Variants in ASPH observed in about 807,000 individuals in gnomAD.
ASPH encodes aspartyl/asparaginyl beta-hydroxylase.
In ASPH, 100 loss-of-function variants were observed where a neutral mutation model predicts 118.4. The observed-to-expected ratio is 0.84, with a 90% CI of 0.72 to 1.00. ASPH has a LOEUF of 1.00. Among genes scored for constraint, ASPH ranks in the 50% least tolerant of loss-of-function variants. The pLI, the probability that ASPH is intolerant of heterozygous loss-of-function variation, is 0.00. For synonymous variants in ASPH, 315 were observed against 325.6 expected (o/e 0.97, Z 0.35); for missense variants, 920 against 919.5 (o/e 1.00, Z -0.01).
chr8:61,619,238 C>A (rs1850063270), intron 13 of ASPH, among the ~76,000 whole-genome samples: 1 of 152,034 alleles, frequency 6.6e-6, no homozygotes, highest in Non-Finnish European at 1.5e-5. Context: ...TAAAAGTCAC[C>A]AAGCACTGAC....
chr8:61,637,633 T>G (rs1212579343), intron 12 of ASPH, among the ~76,000 whole-genome samples: 1 of 152,182 alleles, frequency 6.6e-6, no homozygotes, highest in Non-Finnish European at 1.5e-5. Flanking sequence ...TCTCACCAGA[T>G]CACCCCTCAG....
At chr8:61,675,533 T>C in intron 3 of ASPH, 1 of 980,512 alleles carries the variant, frequency 1.0e-6, no homozygotes, top group Non-Finnish European at 1.2e-6. Context: ...GAAATTTGTA[T>C]GAACCTATCT....
At chr8:61,574,706 G>A (rs1050436276) in intron 16 of ASPH, among the ~76,000 whole-genome samples, 3 of 152,136 alleles carry the variant, frequency 2.0e-5, no homozygotes, top group South Asian at 4.1e-4. Flanking sequence ...CGGGTGGGGG[G>A]CTAGGGGAGG....
chr8:61,665,890 G>A (rs1819308158), intron 3 of ASPH, among the ~76,000 whole-genome samples: 1 of 151,832 alleles, frequency 6.6e-6, no homozygotes, highest in Admixed American at 6.6e-5. Context: ...TAAAATTGAG[G>A]GCACCACGAA....
intron 17 of ASPH, among the ~76,000 whole-genome samples, chr8:61,566,524 G>A (rs1052569744): frequency 6.6e-6 from 1 of 152,236 alleles, no homozygotes; most frequent in African/African-American, 2.4e-5. Flanking sequence ...GGCAGGGTTT[G>A]AGAGGATTGA....
intron 1 of ASPH, among the ~76,000 whole-genome samples, chr8:61,701,117 T>C (rs1351631612): frequency 6.6e-6 from 1 of 152,228 alleles, no homozygotes; most frequent in African/African-American, 2.4e-5. Context: ...TCTGCTTTTT[T>C]TCTCACTGTA....
intron 13 of ASPH, among the ~76,000 whole-genome samples, chr8:61,621,387 A>G (rs577157569): frequency 2.6e-5 from 4 of 152,122 alleles, no homozygotes; most frequent in Admixed American, 6.5e-5. Flanking sequence ...TTTAGGCTCT[A>G]CAAGTTTTAT....
At chr8:61,626,058 G>A (rs1355912669) in intron 13 of ASPH, 1 of 1,237,424 alleles carries the variant, frequency 8.1e-7, no homozygotes, top group Non-Finnish European at 1.0e-6. Flanking sequence ...ATGCAGGAAT[G>A]TAACATGACA....
At chr8:61,629,309 A>G (rs574851954) in intron 13 of ASPH, among the ~76,000 whole-genome samples, 4 of 152,352 alleles carry the variant, frequency 2.6e-5, no homozygotes, top group African/African-American at 9.6e-5. Flanking sequence ...CATATGACCT[A>G]AAGTATTGTT....
At position 61,501,411 on chromosome 8, in the gene ASPH, C is replaced by CTAAG. The variant is rs1804911224; in HGVS notation, c.*1944_*1947dup. ...GATTTTAAATACCATATTATATTTA[C>CTAAG]TAAGTTAAGAGCTAGTTTTTACTCT... On this transcript the variant is annotated 3_prime_UTR_variant, in exon 25 of 25. Coordinates refer to ENST00000379454, the MANE Select transcript of ASPH (RefSeq NM_004318.4). 6.6e-6 allele frequency: 1 copy of CTAAG among 152,138 alleles called. No homozygotes were observed. Among genetic ancestry groups the CTAAG allele is most frequent in the East Asian group, 1.9e-4 (1 of 5,202 alleles). The allele number at this position is 152,138 out of a possible 1,614,324, so 9.4% of individuals were successfully genotyped here. A position where few individuals can be genotyped will look rare whatever the true frequency, so the allele number is the denominator to read the frequency against.
At chr8:61,543,978 C>T (rs1822893919) in intron 21 of ASPH, among the ~76,000 whole-genome samples, 1 of 152,176 alleles carries the variant, frequency 6.6e-6, no homozygotes, top group Admixed American at 6.5e-5. Context: ...CAAATAACAA[C>T]AATGTCCTGA....
At chr8:61,544,728 C>G (rs1027977193) in intron 21 of ASPH, among the ~76,000 whole-genome samples, 1 of 152,182 alleles carries the variant, frequency 6.6e-6, no homozygotes, top group Admixed American at 6.5e-5. Context: ...GAAGGTCATA[C>G]AATGAACCTA....
intron 14 of ASPH, among the ~76,000 whole-genome samples, chr8:61,599,435 G>A (rs773558182): frequency 4.4e-4 from 65 of 149,034 alleles, no homozygotes; most frequent in African/African-American, 1.2e-3. Context: ...AAACCTGCAC[G>A]TTGTGCACAT....
intron 3 of ASPH, chr8:61,661,555 A>ACAGGAGAAAGAAATCAATGT (rs1816926304): frequency 5.9e-6 from 1 of 168,194 alleles, no homozygotes; most frequent in Admixed American, 6.4e-5. Context: ...AATTGAGGAC[A>ACAGGAGAAAGAAATCAATGT]CAGGAGAAAG....
At chr8:61,710,877 C>G (rs1212752127) in intron 1 of ASPH, among the ~76,000 whole-genome samples, 1 of 152,176 alleles carries the variant, frequency 6.6e-6, no homozygotes, top group Non-Finnish European at 1.5e-5. Flanking sequence ...CTAAACTAAA[C>G]TCAGAAGTGT....
At chr8:61,550,286 G>C (rs1451804171) in intron 20 of ASPH, among the ~76,000 whole-genome samples, 1 of 152,006 alleles carries the variant, frequency 6.6e-6, no homozygotes, top group African/African-American at 2.4e-5. Flanking sequence ...TGTCTAATCA[G>C]CAATTAGGAA....
At chr8:61,560,104 C>G (rs551993772) in intron 18 of ASPH, among the ~76,000 whole-genome samples, 1 of 152,338 alleles carries the variant, frequency 6.6e-6, no homozygotes, top group African/African-American at 2.4e-5. Context: ...TGGGCACATT[C>G]TGCGTGTGTT....
intron 21 of ASPH, among the ~76,000 whole-genome samples, chr8:61,528,778 G>A (rs1407395405): frequency 6.6e-6 from 1 of 152,136 alleles, no homozygotes; most frequent in Non-Finnish European, 1.5e-5. Flanking sequence ...TACTTTTCGT[G>A]AATAGTAATA....
chr8:61,579,556 G>A (rs1225741190), intron 15 of ASPH: 2 of 1,531,654 alleles, frequency 1.3e-6, no homozygotes, highest in East Asian at 2.2e-5. Flanking sequence ...TTTGGCTCTG[G>A]CGCAGGCTCC....
Sources: allele counts gnomAD v4.1 joint callset (sites outside exome capture counted in the v4.1 genomes callset), GRCh38; gene constraint gnomAD v4.1.1; transcripts MANE v1.5; gene names NCBI Gene and HGNC (gene_info 2026-07-23, HGNC 2026-07-21).